Variants in ITGA9 observed in about 807,000 individuals in gnomAD.
ITGA9 encodes the protein integrin alpha-9.
Under a neutral mutation model 127.8 loss-of-function variants are expected in ITGA9, and 56 were observed. The observed-to-expected ratio is 0.44, with a 90% CI of 0.35 to 0.55. The LOEUF is 0.55. Among genes scored for constraint, ITGA9 ranks in the 20% least tolerant of loss-of-function variants. ITGA9 has a pLI of 0.00. For synonymous variants in ITGA9, 508 were observed against 514.5 expected (o/e 0.99, Z 0.17); for missense variants, 1,196 against 1,347.1 (o/e 0.89, Z 1.76).
chr3:37,512,205 TTTTCTTTC>T (rs200530082), intron 8 of ITGA9, among the ~76,000 whole-genome samples: 1,236 of 79,466 alleles, frequency 0.016, 103 homozygotes, highest in South Asian at 0.095. Flanking sequence ...TTTTCTTTTC[TTTTCTTTC>T]TTTCTTTCTT....
chr3:37,576,995 A>T (rs1266340513), intron 15 of ITGA9, among the ~76,000 whole-genome samples: 2 of 152,238 alleles, frequency 1.3e-5, no homozygotes, highest in African/African-American at 4.8e-5. Context: ...TGTGGCTAGG[A>T]CACCATGTGG....
chr3:37,809,388 TA>T (rs1260129316), intron 27 of ITGA9, among the ~76,000 whole-genome samples: 1 of 152,146 alleles, frequency 6.6e-6, no homozygotes, highest in African/African-American at 2.4e-5. Flanking sequence ...GTCTTTTCCC[TA>T]AAAGTCACTA....
chr3:37,691,044 A>G lies in ITGA9; in HGVS notation c.2067+7029A>G, dbSNP rs1401249549. 3.3e-5 allele frequency among the ~76,000 whole-genome samples: 5 copies of G among 152,278 alleles called. No individual in the cohort carries two copies. In the East Asian group the frequency reaches 9.7e-4, roughly 29 times the overall value. On this transcript the variant is annotated intron_variant, in intron 18 of 27. Coordinates refer to ENST00000264741, the MANE Select transcript of ITGA9 (RefSeq NM_002207.3). Reference sequence around the variant, plus strand: ...ATTGAGGTCTCCTGGGGCTATTTATATTCTCCAGTACTCCTGCCCTCCCAT... The same window carrying G: ...ATTGAGGTCTCCTGGGGCTATTTATGTTCTCCAGTACTCCTGCCCTCCCAT...
rs1478178541 is a variant in ITGA9, at chr3:37,562,870, G to A, written c.1689+20285G>A. On this transcript the variant is annotated intron_variant, in intron 15 of 27. Transcript: ENST00000264741. ...TGAGCCAAACAGTCCAGAAACTTAG[G>A]TTACAACCAAGGTAGTCTGGCAAGA... Among the ~76,000 whole-genome samples the A allele has an allele frequency of 2.0e-5, 3 of 152,022 alleles. No individual in the cohort carries two copies. In the South Asian group the frequency reaches 6.2e-4, roughly 32 times the overall value.
Position 37,513,974 on chromosome 3 carries a change from C to G in ITGA9, c.1035+74C>G. 2 of 1,573,778 alleles carry G rather than the reference C, an allele frequency of 1.3e-6. 1 individual carries two copies. Among genetic ancestry groups the G allele is most frequent in the South Asian group, 2.2e-5 (2 of 90,076 alleles). On this transcript the variant is annotated intron_variant, in intron 9 of 27. Coordinates refer to ENST00000264741, the MANE Select transcript of ITGA9 (RefSeq NM_002207.3). ...TTGTCCAGCCAGCAGTGGCCGAGCA[C>G]CCCTCTGGGCCGGCACTGGGGGCAA...
chr3:37,638,362 A>G (rs552856886), intron 16 of ITGA9, among the ~76,000 whole-genome samples: 203 of 151,760 alleles, frequency 1.3e-3, no homozygotes, highest in African/African-American at 4.5e-3. Flanking sequence ...AAAAGAAAAA[A>G]TTGTTCTTAG....
intron 13 of ITGA9, 133 bp from the exon 14 acceptor site, chr3:37,533,181 C>T (rs1395591235): frequency 1.2e-5 from 10 of 853,148 alleles, no homozygotes; most frequent in Non-Finnish European, 1.9e-5. Context: ...TAGCCCTTCT[C>T]TCTTGGGATA....
intron 17 of ITGA9, among the ~76,000 whole-genome samples, chr3:37,654,239 T>C (rs2125647801): frequency 6.7e-6 from 1 of 149,882 alleles, no homozygotes; most frequent in African/African-American, 2.5e-5. Flanking sequence ...CACTAGTGTA[T>C]GTTTTAACAA....
chr3:37,490,366 G>A (rs528761349), intron 4 of ITGA9, among the ~76,000 whole-genome samples: 28 of 152,298 alleles, frequency 1.8e-4, no homozygotes, highest in Admixed American at 7.8e-4. Context: ...CTTGGAATTC[G>A]CTATAACAAC....
intron 15 of ITGA9, among the ~76,000 whole-genome samples, chr3:37,582,530 G>A (rs1224962500): frequency 6.6e-6 from 1 of 152,220 alleles, no homozygotes; most frequent in African/African-American, 2.4e-5. Context: ...AGGAGAGTTT[G>A]TTTTTCTCAG....
At chr3:37,540,025 A>G (rs563518381) in intron 14 of ITGA9, among the ~76,000 whole-genome samples, 5 of 152,204 alleles carry the variant, frequency 3.3e-5, no homozygotes, top group Non-Finnish European at 5.9e-5. Context: ...GGCAGTTGCA[A>G]TTTGGGCCGG....
At chr3:37,731,995 C>T (rs1024967964) in intron 18 of ITGA9, among the ~76,000 whole-genome samples, 40 of 152,250 alleles carry the variant, frequency 2.6e-4, no homozygotes, top group African/African-American at 8.4e-4. Flanking sequence ...ATACTGTTTC[C>T]GCTTGGCAGT....
chr3:37,579,835 T>G (rs534470531), intron 15 of ITGA9, among the ~76,000 whole-genome samples: 1 of 152,228 alleles, frequency 6.6e-6, no homozygotes, highest in Admixed American at 6.5e-5. Flanking sequence ...ATAGCCCATC[T>G]TTGTTCAATT....
At chr3:37,585,571 T>C (rs1699749810) in intron 15 of ITGA9, 1 of 508,494 alleles carries the variant, frequency 2.0e-6, no homozygotes, top group African/African-American at 1.9e-5. Context: ...ACATTTTCTC[T>C]AGCAATTATG....
chr3:37,572,729 G>C (rs962783104), intron 15 of ITGA9, among the ~76,000 whole-genome samples: 1 of 152,150 alleles, frequency 6.6e-6, no homozygotes, highest in Non-Finnish European at 1.5e-5. Context: ...ACCTACTCAA[G>C]GTTATGTTTT....
At chr3:37,783,647 A>G (rs2685113) in intron 25 of ITGA9, among the ~76,000 whole-genome samples, 103,587 of 152,052 alleles carry the variant, frequency 0.68, 36,617 homozygotes, top group South Asian at 0.88. Flanking sequence ...CAAGATTATT[A>G]TTATTATTCA....
chr3:37,812,613 C>A (rs1697381870), intron 27 of ITGA9, among the ~76,000 whole-genome samples: 1 of 152,238 alleles, frequency 6.6e-6, no homozygotes, highest in Non-Finnish European at 1.5e-5. Context: ...TTGTGTATGT[C>A]TGTTACGAGG....
intron 18 of ITGA9, among the ~76,000 whole-genome samples, chr3:37,695,789 C>T (rs1457207727): frequency 6.6e-6 from 1 of 152,202 alleles, no homozygotes; most frequent in African/African-American, 2.4e-5. Flanking sequence ...AACAGAAAAG[C>T]CACCTTTTTT....
intron 23 of ITGA9, among the ~76,000 whole-genome samples, chr3:37,773,626 A>G (rs1699454555): frequency 6.6e-6 from 1 of 151,448 alleles, no homozygotes; most frequent in South Asian, 2.1e-4. Context: ...AATCAGAACT[A>G]TGATTGCCTT....
Sources: allele counts gnomAD v4.1 joint callset (sites outside exome capture counted in the v4.1 genomes callset), GRCh38; gene constraint gnomAD v4.1.1; transcripts MANE v1.5; gene names NCBI Gene and HGNC (gene_info 2026-07-23, HGNC 2026-07-21).